The following KLHL1 variants were observed in gnomAD, a reference collection of about 807,000 sequenced individuals.
KLHL1 encodes kelch-like protein 1.
KLHL1 carries 47 observed loss-of-function variants against 77.7 expected under a neutral mutation model. The ratio of observed to expected loss-of-function variants is 0.60; its 90% CI spans 0.48 to 0.77. KLHL1 has a LOEUF of 0.77. Among genes scored for constraint, KLHL1 ranks in the 30% least tolerant of loss-of-function variants. The pLI, the probability that KLHL1 is intolerant of heterozygous loss-of-function variation, is 0.00. For synonymous variants in KLHL1, 360 were observed against 325.2 expected (o/e 1.11, Z -1.15); for missense variants, 925 against 910.8 (o/e 1.02, Z -0.20).
At chr13:70,046,264 G>T (rs551710555) in intron 1 of KLHL1, among the ~76,000 whole-genome samples, 30 of 152,262 alleles carry the variant, frequency 2.0e-4, no homozygotes, top group African/African-American at 7.2e-4. Flanking sequence ...ATATAGTCAG[G>T]AGGACTGCAG....
intron 1 of KLHL1, among the ~76,000 whole-genome samples, chr13:70,076,628 A>G (rs1443879259): frequency 6.6e-6 from 1 of 151,956 alleles, no homozygotes; most frequent in Non-Finnish European, 1.5e-5. Flanking sequence ...AAAAAAAAAC[A>G]AAACAAAATT....
At chr13:69,796,291 C>T (rs536277298) in intron 7 of KLHL1, among the ~76,000 whole-genome samples, 1 of 152,218 alleles carries the variant, frequency 6.6e-6, no homozygotes, top group East Asian at 1.9e-4. Context: ...CCCCAAAACT[C>T]ATGTTGAAAT....
At chr13:70,080,098 T>G (rs1887358221) in intron 1 of KLHL1, among the ~76,000 whole-genome samples, 1 of 152,146 alleles carries the variant, frequency 6.6e-6, no homozygotes, top group Non-Finnish European at 1.5e-5. Flanking sequence ...ATACTGTTCA[T>G]TAGACAACAT....
At chr13:69,748,770 CA>C (rs1279938331) in intron 7 of KLHL1, among the ~76,000 whole-genome samples, 11 of 144,370 alleles carry the variant, frequency 7.6e-5, no homozygotes, top group African/African-American at 2.9e-4. Flanking sequence ...TTAAATAAAT[CA>C]AATGGTCAGG....
At chr13:70,034,485 C>A (rs1050303157) in intron 1 of KLHL1, among the ~76,000 whole-genome samples, 1 of 152,058 alleles carries the variant, frequency 6.6e-6, no homozygotes, top group African/African-American at 2.4e-5. Context: ...TATGGGTTTG[C>A]CTTAAGTTTG....
intron 10 of KLHL1, among the ~76,000 whole-genome samples, chr13:69,703,107 C>T (rs1427000391): frequency 6.6e-6 from 1 of 151,666 alleles, no homozygotes; most frequent in Non-Finnish European, 1.5e-5. Flanking sequence ...TTACAAAATA[C>T]AGTCATGCAC....
chr13:69,780,715 T>TATATATACATATATATATAC (rs1566243724), intron 7 of KLHL1, among the ~76,000 whole-genome samples: 2 of 27,792 alleles, frequency 7.2e-5, no homozygotes, highest in Non-Finnish European at 1.2e-4. Flanking sequence ...TATATATATA[T>TATATATACATATATATATAC]GTATATATAT....
Position 69,739,858 on chromosome 13 carries a change from G to A in KLHL1, c.1802+536C>T, listed in dbSNP as rs145320191. Among the ~76,000 whole-genome samples, 50 of 152,250 alleles carry A rather than the reference G, an allele frequency of 3.3e-4. No homozygotes were observed. In the East Asian group the frequency reaches 9.7e-3, roughly 29 times the overall value. On this transcript the variant is annotated intron_variant, in intron 8 of 10. Transcript: ENST00000377844. Reference sequence around the variant, plus strand: ...TTTTGCCACTTCCCAGGGGATAGTAGACAATATCTGGAGATATTTTTGCGT... The same window carrying A: ...TTTTGCCACTTCCCAGGGGATAGTAAACAATATCTGGAGATATTTTTGCGT...
chr13:69,954,361 A>C (rs192567997), intron 3 of KLHL1, among the ~76,000 whole-genome samples: 166 of 151,464 alleles, frequency 1.1e-3, no homozygotes, highest in African/African-American at 3.9e-3. Flanking sequence ...AAAGTAGGAA[A>C]ATACATAGCA....
intron 9 of KLHL1, among the ~76,000 whole-genome samples, chr13:69,716,378 G>A (rs1876120919): frequency 6.6e-6 from 1 of 151,938 alleles, no homozygotes; most frequent in South Asian, 2.1e-4. Flanking sequence ...ATCTTGGGCA[G>A]TATCAGCACA....
At position 70,107,824 on chromosome 13, in the gene KLHL1, C is replaced by G; in HGVS notation, c.-125G>C. On this transcript the variant is annotated 5_prime_UTR_variant, in exon 1 of 11. Transcript: ENST00000377844. The stretch of plus-strand genomic sequence containing the variant: ...GGATGCGCCCTCTGCACCCCTAGAG[C>G]CAGAAGACGCTAGGTGGGCTGCGCG... 1.4e-6 allele frequency: 1 copy of G among 710,356 alleles called. No individual in the cohort carries two copies. Among genetic ancestry groups the G allele is most frequent in the Non-Finnish European group, 2.2e-6 (1 of 448,552 alleles). The allele number at this position is 710,356 out of a possible 1,614,324, so 44.0% of individuals were successfully genotyped here.
intron 1 of KLHL1, among the ~76,000 whole-genome samples, chr13:70,010,506 T>A (rs1428784660): frequency 6.6e-6 from 1 of 152,072 alleles, no homozygotes; most frequent in African/African-American, 2.4e-5. Flanking sequence ...TTTAGCAACT[T>A]GTAAATCTTG....
intron 5 of KLHL1, among the ~76,000 whole-genome samples, chr13:69,854,959 A>T (rs1879829395): frequency 6.6e-6 from 1 of 152,028 alleles, no homozygotes; most frequent in East Asian, 1.9e-4. Context: ...ACAAGAAAAA[A>T]ATTGTTGGCT....
intron 1 of KLHL1, among the ~76,000 whole-genome samples, chr13:69,991,169 A>G (rs1448595568): frequency 1.3e-5 from 2 of 151,972 alleles, no homozygotes; most frequent in Non-Finnish European, 2.9e-5. Context: ...GAAGAGGAAA[A>G]TTTATAGTAC....
chr13:69,735,310 ATAGG>A (rs1566195328), intron 8 of KLHL1, among the ~76,000 whole-genome samples: 1 of 151,508 alleles, frequency 6.6e-6, no homozygotes, highest in Non-Finnish European at 1.5e-5. Context: ...TTCAATTAAA[ATAGG>A]TAGATAAGGA....
intron 1 of KLHL1, among the ~76,000 whole-genome samples, chr13:70,065,268 T>A (rs1033141172): frequency 6.6e-6 from 1 of 152,002 alleles, no homozygotes; most frequent in Non-Finnish European, 1.5e-5. Flanking sequence ...TTGACCATAC[T>A]TTTTTTTGCA....
intron 1 of KLHL1, among the ~76,000 whole-genome samples, chr13:70,070,682 G>C (rs1887118021): frequency 6.6e-6 from 1 of 151,966 alleles, no homozygotes; most frequent in Admixed American, 6.6e-5. Flanking sequence ...AAGAATGCGG[G>C]AGAAGAAATA....
intron 6 of KLHL1, among the ~76,000 whole-genome samples, chr13:69,814,699 G>C (rs1593855898): frequency 1.3e-5 from 2 of 152,104 alleles, no homozygotes; most frequent in Non-Finnish European, 2.9e-5. Context: ...CCTCACACCA[G>C]TCAGAATGGC....
intron 1 of KLHL1, among the ~76,000 whole-genome samples, chr13:69,983,576 C>CAAAAAA (rs1282357751): frequency 4.9e-5 from 2 of 40,694 alleles, no homozygotes; most frequent in Non-Finnish European, 4.7e-5. Context: ...CCTATCTTTA[C>CAAAAAA]AAAAAAAAAA....
Sources: allele counts gnomAD v4.1 joint callset (sites outside exome capture counted in the v4.1 genomes callset), GRCh38; gene constraint gnomAD v4.1.1; transcripts MANE v1.5; gene names NCBI Gene and HGNC (gene_info 2026-07-23, HGNC 2026-07-21).